Variants in KSR2 observed in about 807,000 individuals in gnomAD.
The protein encoded by KSR2 is kinase suppressor of ras 2.
A neutral mutation model predicts 107.8 loss-of-function variants in KSR2; 25 were observed. That is an observed-to-expected ratio of 0.23 (90% CI 0.17 to 0.32). The LOEUF is 0.32. Ranked by LOEUF, KSR2 falls within the 10% of genes least tolerant of loss-of-function variation. The pLI, the probability that KSR2 is intolerant of heterozygous loss-of-function variation, is 1.00. For synonymous variants in KSR2, 480 were observed against 507.0 expected, an observed-to-expected ratio of 0.95 and a Z score of 0.71; for missense variants, 887 against 1,268.9, an observed-to-expected ratio of 0.70 and a Z score of 4.57.
intron 3 of KSR2, among the ~76,000 whole-genome samples, chr12:117,843,701 C>T (rs1892587482): frequency 6.6e-6 from 1 of 152,150 alleles, no homozygotes; most frequent in Non-Finnish European, 1.5e-5. Context: ...ACAGTAGTCC[C>T]TCAATGACCA....
intron 3 of KSR2, among the ~76,000 whole-genome samples, chr12:117,844,856 C>A (rs1013663104): frequency 6.6e-6 from 1 of 152,116 alleles, no homozygotes; most frequent in Admixed American, 6.6e-5. Context: ...TTTCTTTTCT[C>A]AAAAACCTGG....
At chr12:117,583,886 C>T (rs1565912279) in intron 5 of KSR2, among the ~76,000 whole-genome samples, 2 of 152,314 alleles carry the variant, frequency 1.3e-5, no homozygotes, top group South Asian at 2.1e-4. Context: ...GTTTTTGGAG[C>T]TGCAAATGCA....
rs1317450930 is a variant in KSR2, at chr12:117,464,946, C to G, written c.*2253G>C. The G allele has an allele frequency of 6.6e-6, 1 of 152,262 alleles. No homozygotes were observed. Among genetic ancestry groups the G allele is most frequent in the African/African-American group, 2.4e-5 (1 of 41,456 alleles). The allele number at this position is 152,262 out of a possible 1,614,324, so 9.4% of individuals were successfully genotyped here. ...CTGTGGTTGGACATTTTAGTTAATT[C>G]TGGAAACAAGAGAGGCAAGAGTGAG... On this transcript the variant is annotated 3_prime_UTR_variant, in exon 20 of 20. Transcript: ENST00000339824.
At chr12:117,930,929 C>T (rs1895679034) in intron 1 of KSR2, among the ~76,000 whole-genome samples, 1 of 152,036 alleles carries the variant, frequency 6.6e-6, no homozygotes, top group African/African-American at 2.4e-5. Context: ...AACAAACAAA[C>T]AAATAAATAA....
At chr12:117,562,732 C>T (rs1432465508) in intron 7 of KSR2, among the ~76,000 whole-genome samples, 3 of 152,200 alleles carry the variant, frequency 2.0e-5, no homozygotes, top group Non-Finnish European at 4.4e-5. Context: ...TATTGCTTCT[C>T]TCTTGCAGTA....
intron 1 of KSR2, among the ~76,000 whole-genome samples, chr12:117,871,970 G>T: frequency 6.6e-6 from 1 of 152,030 alleles, no homozygotes; most frequent in East Asian, 1.9e-4. Context: ...TTTTCTATAA[G>T]CCTGAATTAC....
At chr12:117,771,627 T>C (rs1889453166) in intron 3 of KSR2, among the ~76,000 whole-genome samples, 2 of 152,204 alleles carry the variant, frequency 1.3e-5, no homozygotes, top group South Asian at 4.1e-4. Context: ...TTTCATTTAA[T>C]CTTCAGAATA....
Position 117,531,073 on chromosome 12 carries a change from G to T in KSR2, c.1730-60C>A, listed in dbSNP as rs923590967. 7.2e-6 allele frequency: 10 copies of T among 1,396,462 alleles called. No individual in the cohort carries two copies. The African/African-American group carries it at 9.9e-5, about 14-fold the overall frequency. 86.5% of individuals were successfully genotyped at this position (1,396,462 alleles called of 1,614,324 possible). A position where few individuals can be genotyped will look rare whatever the true frequency, so the allele number is the denominator to read the frequency against. The stretch of plus-strand genomic sequence containing the variant: ...TGTGAAGTCCACAACCCCCGCAAAG[G>T]CCTGATTCCTGGGCGACATGGCAGC... On this transcript the variant is annotated intron_variant, in intron 11 of 19. Coordinates refer to ENST00000339824, the MANE Select transcript of KSR2 (RefSeq NM_173598.6).
In KSR2 at chr12:117,950,609, T is replaced by C. The variant is rs537122442; in HGVS notation, c.180+17467A>G. ...AAAAAAAATTAGCCAGGCATGGTAG[T>C]GTGCACCTGAAGTCCCAGCTACTTG... On this transcript the variant is annotated intron_variant, in intron 1 of 19. Coordinates refer to ENST00000339824, the MANE Select transcript of KSR2 (RefSeq NM_173598.6). 8.4e-4 allele frequency among the ~76,000 whole-genome samples: 128 copies of C among 151,700 alleles called. 1 individual carries two copies. Among genetic ancestry groups the C allele is most frequent in the African/African-American group, 3.0e-3 (125 of 41,386 alleles).
At chr12:117,965,297 C>T (rs1272509007) in intron 1 of KSR2, among the ~76,000 whole-genome samples, 2 of 152,182 alleles carry the variant, frequency 1.3e-5, no homozygotes, top group African/African-American at 4.8e-5. Flanking sequence ...ACCTACTGAG[C>T]CAACTGAAGC....
In KSR2 at chr12:117,821,826, GT is replaced by G. The variant is rs1360945431; in HGVS notation, c.472+33601del. ...GGTCTTTGGTCTCAAGGAGTCTGAA[GT>G]ATTATTGTCAGAGGCGTTTGACCTA... On this transcript the variant is annotated intron_variant, in intron 3 of 19. Transcript: ENST00000339824. Among the ~76,000 whole-genome samples, 3 of 152,326 alleles carry G rather than the reference GT, an allele frequency of 2.0e-5. No individual in the cohort carries two copies. The East Asian group carries it at 5.8e-4, about 29-fold the overall frequency.
intron 3 of KSR2, among the ~76,000 whole-genome samples, chr12:117,807,522 A>G (rs1400080873): frequency 6.6e-6 from 1 of 152,244 alleles, no homozygotes; most frequent in Non-Finnish European, 1.5e-5. Context: ...TGGAGATTCT[A>G]CAAGCAAGTT....
intron 4 of KSR2, among the ~76,000 whole-genome samples, chr12:117,693,222 CAAAT>C (rs1444496314): frequency 6.6e-6 from 1 of 152,112 alleles, no homozygotes; most frequent in East Asian, 1.9e-4. Flanking sequence ...GTGAACAGAA[CAAAT>C]AAATAAAGAC....
rs1249409417 is a variant in KSR2, at chr12:117,645,884, T to C, written c.1171+21590A>G. On this transcript the variant is annotated intron_variant, in intron 5 of 19. Transcript: ENST00000339824. ...GTGTATGTGCGTGTGTGTGTGTGTG[T>C]GTGTGTGTGTGTGTGTGTGTGTGTG... is the stretch of plus-strand genomic sequence containing the variant. Among the ~76,000 whole-genome samples, 129 of 150,112 alleles carry C rather than the reference T, an allele frequency of 8.6e-4. 2 individuals are homozygous for C. Among genetic ancestry groups the C allele is most frequent in the Admixed American group, 2.5e-3 (38 of 15,048 alleles).
intron 3 of KSR2, among the ~76,000 whole-genome samples, chr12:117,820,491 T>G (rs1471735126): frequency 6.6e-6 from 1 of 152,220 alleles, no homozygotes; most frequent in Non-Finnish European, 1.5e-5. Context: ...AATAAATACA[T>G]TTAAGCCTAA....
At chr12:117,770,285 G>A (rs1427593838) in intron 3 of KSR2, among the ~76,000 whole-genome samples, 1 of 152,108 alleles carries the variant, frequency 6.6e-6, no homozygotes, top group African/African-American at 2.4e-5. Context: ...ACGAGGAGAA[G>A]ACACAGAGGA....
chr12:117,750,175 G>A (rs532033836), intron 4 of KSR2, among the ~76,000 whole-genome samples: 162 of 151,004 alleles, frequency 1.1e-3, no homozygotes, highest in Non-Finnish European at 1.5e-3. Flanking sequence ...GCTTGAACCC[G>A]GGAGGCAGAG....
chr12:117,918,882 A>G (rs1230035464), intron 1 of KSR2, among the ~76,000 whole-genome samples: 1 of 152,024 alleles, frequency 6.6e-6, no homozygotes, highest in Non-Finnish European at 1.5e-5. Context: ...AGGTGGGAGG[A>G]TTGTTTGAGG....
chr12:117,686,972 G>A (rs185310661), intron 4 of KSR2, among the ~76,000 whole-genome samples: 5 of 152,108 alleles, frequency 3.3e-5, no homozygotes, highest in South Asian at 2.1e-4. Context: ...TGGGGCTGGC[G>A]GGCTGGCTGG....
Sources: gnomAD v4.1 joint callset for allele counts (sites outside exome capture counted in the v4.1 genomes callset) on GRCh38, gnomAD v4.1.1 for gene constraint, MANE v1.5 for transcripts, NCBI Gene and HGNC (gene_info 2026-07-23, HGNC 2026-07-21) for gene names.